TBCD: variants seen among roughly 807,000 people sequenced by gnomAD.
TBCD encodes the protein tubulin folding cofactor D.
A neutral mutation model predicts 169.3 loss-of-function variants in TBCD; 105 were observed. The observed-to-expected ratio is 0.62, with a 90% CI of 0.53 to 0.73. The LOEUF (loss-of-function observed/expected upper bound fraction) is 0.73. TBCD is among the 30% of genes least tolerant of loss of function. The pLI, the probability that TBCD is intolerant of heterozygous loss-of-function variation, is 0.00. For missense variants in TBCD, 1,444 were observed against 1,600.1 expected, an observed-to-expected ratio of 0.90 and a Z score of 1.66; for synonymous variants, 700 against 643.9, an observed-to-expected ratio of 1.09 and a Z score of -1.32.
intron 13 of TBCD, among the ~76,000 whole-genome samples, chr17:82,850,036 T>TGTTGGCTGTGCTGCTGTTGGCTGTGCTGC (rs1567887000): frequency 4.8e-5 from 1 of 20,888 alleles, no homozygotes; most frequent in African/African-American, 1.6e-4. Flanking sequence ...GGCTGTGCTG[T>TGTTGGCTGTGCTGCTGTTGGCTGTGCTGC]TGTTGGCTGT....
chr17:82,759,685 G>A (rs1236736779), intron 2 of TBCD, among the ~76,000 whole-genome samples: 1 of 152,074 alleles, frequency 6.6e-6, no homozygotes, highest in Non-Finnish European at 1.5e-5. Flanking sequence ...TTTGGCCTTT[G>A]GTAGTACGGT....
chr17:82,847,177 C>T (rs552617673), intron 13 of TBCD, among the ~76,000 whole-genome samples: 9 of 151,774 alleles, frequency 5.9e-5, no homozygotes, highest in African/African-American at 2.2e-4. Flanking sequence ...CAGTGAAACC[C>T]CGTCTCTACT....
chr17:82,849,288 C>T (rs1218245848), intron 13 of TBCD, among the ~76,000 whole-genome samples: 2 of 150,442 alleles, frequency 1.3e-5, no homozygotes, highest in African/African-American at 2.5e-5. Context: ...CTGCCTGCTG[C>T]GTCTTCTCCA....
intron 7 of TBCD, among the ~76,000 whole-genome samples, chr17:82,783,753 A>T (rs148262369): frequency 0.02 from 3,005 of 152,266 alleles, 49 homozygotes; most frequent in South Asian, 0.034. Context: ...GGTATTTTCC[A>T]TATGCCAGTG....
chr17:82,801,675 G>A (rs1024994702), intron 9 of TBCD, among the ~76,000 whole-genome samples: 9 of 126,212 alleles, frequency 7.1e-5, no homozygotes, highest in African/African-American at 2.6e-4. Flanking sequence ...GTCGGAGTCA[G>A]CGTGGCAGGA....
intron 5 of TBCD, among the ~76,000 whole-genome samples, chr17:82,770,707 G>A (rs1447187436): frequency 6.6e-6 from 1 of 151,574 alleles, no homozygotes; most frequent in East Asian, 2.0e-4. Context: ...GGCACTCTGT[G>A]ATTGCCGTTA....
chr17:82,801,941 A>G (rs1295363148), intron 9 of TBCD, among the ~76,000 whole-genome samples: 1 of 148,978 alleles, frequency 6.7e-6, no homozygotes, highest in African/African-American at 2.5e-5. Flanking sequence ...GCTCGGAGTC[A>G]GCGTGGCAGC....
At chr17:82,892,763 G>C (rs767306839) in intron 16 of TBCD, among the ~76,000 whole-genome samples, 3 of 152,218 alleles carry the variant, frequency 2.0e-5, no homozygotes, top group Non-Finnish European at 4.4e-5. Flanking sequence ...GGCTTTCTAT[G>C]TGGGGTTTAA....
chr17:82,804,071 A>G (rs1190304606), intron 9 of TBCD, among the ~76,000 whole-genome samples: 3 of 40,118 alleles, frequency 7.5e-5, no homozygotes, highest in African/African-American at 2.1e-4. Context: ...CTGCCTGTAG[A>G]GTTTAGGGGA....
chr17:82,896,622 C>A (rs1047013858), intron 17 of TBCD, among the ~76,000 whole-genome samples: 1 of 151,996 alleles, frequency 6.6e-6, no homozygotes, highest in Non-Finnish European at 1.5e-5. Context: ...CACGCCACCA[C>A]GCCCGGCTAA....
intron 13 of TBCD, among the ~76,000 whole-genome samples, chr17:82,815,256 G>C (rs1307546868): frequency 1.3e-5 from 2 of 152,224 alleles, no homozygotes; most frequent in East Asian, 3.8e-4. Flanking sequence ...TGGTTTTGGA[G>C]GGCCACGAAT....
Position 82,889,731 on chromosome 17 carries a change from A to T in TBCD, c.1563+34A>T. ...GCTTTCAAACACCTTTATTCCAAAA[A>T]CTTCCTGCGGGTTTATAGGTAGGAA... On this transcript the variant is annotated intron_variant, in intron 16 of 38. Coordinates refer to ENST00000355528, the MANE Select transcript of TBCD (RefSeq NM_005993.5). This position sits in a 1 kb window ranked among gnomAD's most constrained non-coding sequence, Gnocchi z 5.3. 1 of 1,610,926 alleles carries T rather than the reference A, an allele frequency of 6.2e-7. No individual in the cohort carries two copies. Among genetic ancestry groups the T allele is most frequent in the Non-Finnish European group, 8.5e-7 (1 of 1,178,810 alleles).
At chr17:82,898,835 A>G (rs2059671402) in intron 17 of TBCD, among the ~76,000 whole-genome samples, 1 of 149,490 alleles carries the variant, frequency 6.7e-6, no homozygotes, top group South Asian at 2.1e-4. Context: ...TATTTTTGAG[A>G]CATAATTTAC....
At chr17:82,918,360 C>G (rs939997834) in intron 23 of TBCD, 3 of 152,276 alleles carry the variant, frequency 2.0e-5, no homozygotes, top group African/African-American at 7.2e-5. Context: ...CCCCCTGCCA[C>G]CAGTCTGTCC....
intron 13 of TBCD, among the ~76,000 whole-genome samples, chr17:82,816,848 TAAA>T (rs35049574): frequency 1.5e-4 from 17 of 115,726 alleles, no homozygotes; most frequent in South Asian, 3.0e-4. Context: ...CCTGCTTCTT[TAAA>T]AAAAAAAAAA....
At chr17:82,757,936 G>C (rs1265866238) in intron 2 of TBCD, among the ~76,000 whole-genome samples, 1 of 152,104 alleles carries the variant, frequency 6.6e-6, no homozygotes, top group African/African-American at 2.4e-5. Context: ...GGTAGCGGGT[G>C]GTGTTTTTAT....
At chr17:82,838,446 C>G (rs1460295611) in intron 13 of TBCD, among the ~76,000 whole-genome samples, 2 of 152,184 alleles carry the variant, frequency 1.3e-5, no homozygotes, top group Non-Finnish European at 2.9e-5. Flanking sequence ...AACCTGTGCC[C>G]TGAGATTGTG....
chr17:82,786,748 T>C (rs2049341487), intron 7 of TBCD, among the ~76,000 whole-genome samples: 1 of 152,074 alleles, frequency 6.6e-6, no homozygotes, highest in Non-Finnish European at 1.5e-5. Context: ...TCCGAGTCCT[T>C]CTCGGCTTGG....
chr17:82,778,635 CTT>C (rs766675944), intron 6 of TBCD, among the ~76,000 whole-genome samples: 2 of 143,446 alleles, frequency 1.4e-5, no homozygotes, highest in Admixed American at 1.4e-4. Context: ...ATTTCTTTTT[CTT>C]TTTTTTTTTT....
Sources: gnomAD v4.1 joint callset for allele counts (sites outside exome capture counted in the v4.1 genomes callset) on GRCh38, gnomAD v4.1.1 for gene constraint, Gnocchi (gnomAD v3.1) non-coding constraint, MANE v1.5 for transcripts, NCBI Gene and HGNC (gene_info 2026-07-23, HGNC 2026-07-21) for gene names.